TRPM6: variants seen among roughly 807,000 people sequenced by gnomAD.
TRPM6 encodes the protein transient receptor potential cation channel subfamily M member 6, also known as channel kinase 2.
TRPM6 carries 111 observed loss-of-function variants against 247.6 expected under a neutral mutation model. That is an observed-to-expected ratio of 0.45 (90% CI 0.38 to 0.52). The LOEUF is 0.52. TRPM6 is among the 20% of genes least tolerant of loss of function. The pLI, the probability that TRPM6 is intolerant of heterozygous loss-of-function variation, is 0.00. For missense variants in TRPM6, 2,126 were observed against 2,421.5 expected, an observed-to-expected ratio of 0.88 and a Z score of 2.56; for synonymous variants, 892 against 853.8, an observed-to-expected ratio of 1.04 and a Z score of -0.78.
chr9:74,737,494 A>C (rs1262225799), intron 36 of TRPM6: 3 of 1,180,170 alleles, frequency 2.5e-6, no homozygotes, highest in Non-Finnish European at 3.4e-6. Flanking sequence ...AAGTTGTTTA[A>C]ACAAACCATA....
intron 36 of TRPM6, among the ~76,000 whole-genome samples, chr9:74,732,952 G>A (rs935448474): frequency 2.6e-5 from 4 of 152,118 alleles, no homozygotes; most frequent in African/African-American, 7.2e-5. Context: ...CCAGCTCTTT[G>A]GGGGGTGGAG....
At chr9:74,847,385 T>C (rs1293331438) in intron 3 of TRPM6, among the ~76,000 whole-genome samples, 1 of 152,106 alleles carries the variant, frequency 6.6e-6, no homozygotes, top group African/African-American at 2.4e-5. Flanking sequence ...TTTTGCCATG[T>C]TGCCCAAGCT....
chr9:74,818,015 C>T (rs1829002321), intron 9 of TRPM6, among the ~76,000 whole-genome samples: 1 of 152,132 alleles, frequency 6.6e-6, no homozygotes, highest in Admixed American at 6.6e-5. Context: ...ACATTGTTTC[C>T]TTTCACCTGA....
At chr9:74,870,035 G>A (rs1323826262) in intron 1 of TRPM6, among the ~76,000 whole-genome samples, 1 of 152,086 alleles carries the variant, frequency 6.6e-6, no homozygotes, top group Non-Finnish European at 1.5e-5. Context: ...GAGAAAGGAT[G>A]GTAGGAAACA....
At chr9:74,744,785 C>A (rs1825977945) in intron 31 of TRPM6, among the ~76,000 whole-genome samples, 1 of 152,238 alleles carries the variant, frequency 6.6e-6, no homozygotes, top group East Asian at 1.9e-4. Flanking sequence ...TTCATAAAAT[C>A]AAAATTAAAG....
intron 1 of TRPM6, among the ~76,000 whole-genome samples, chr9:74,865,883 T>C (rs1260168422): frequency 3.3e-5 from 5 of 152,234 alleles, no homozygotes; most frequent in Admixed American, 2.6e-4. Context: ...GTGATATTCC[T>C]GCCTCAGCCC....
intron 29 of TRPM6, among the ~76,000 whole-genome samples, chr9:74,751,817 A>G (rs1329087202): frequency 6.6e-6 from 1 of 152,174 alleles, no homozygotes; most frequent in Non-Finnish European, 1.5e-5. Flanking sequence ...CTACTTCCAG[A>G]AATAAATCAT....
chr9:74,806,125 TGGGGGCAGGAG>T (rs1223484745), intron 14 of TRPM6, among the ~76,000 whole-genome samples: 1 of 152,150 alleles, frequency 6.6e-6, no homozygotes, highest in Non-Finnish European at 1.5e-5. Flanking sequence ...TTAAATAATC[TGGGGGCAGGAG>T]GTTGGCCATT....
At position 74,792,779 on chromosome 9, in the gene TRPM6, TAAAC is replaced by T; in HGVS notation, c.2392-13_2392-10del. ...TCCAAATCATACTCTTTCTATAAAATAAACAAATAATCATTTTCTTGTCAGCAGC... is the reference window on the plus strand; with the variant it reads ...TCCAAATCATACTCTTTCTATAAAATAAATAATCATTTTCTTGTCAGCAGC... On this transcript the variant is annotated splice_polypyrimidine_tract_variant and intron_variant, in intron 18 of 38. Coordinates refer to ENST00000360774, the MANE Select transcript of TRPM6 (RefSeq NM_017662.5). The T allele has an allele frequency of 4.3e-6, 7 of 1,611,716 alleles. No individual in the cohort carries two copies. The highest frequency in any genetic ancestry group is 5.9e-6 in the Non-Finnish European group (7 of 1,177,944).
intron 4 of TRPM6, among the ~76,000 whole-genome samples, chr9:74,840,910 C>T (rs897091527): frequency 6.6e-6 from 1 of 150,524 alleles, no homozygotes; most frequent in Non-Finnish European, 1.5e-5. Context: ...ATCACTATGT[C>T]AGCAAACCTT....
Position 74,800,398 on chromosome 9 carries a change from T to C in TRPM6, c.2094A>G (p.Glu698=). Reference sequence around the variant, plus strand: ...AGGTCGAATTGCTCCAGTTCCTGAGTTCATACGTCAACAGCGTCATGGCCA... The same window carrying C: ...AGGTCGAATTGCTCCAGTTCCTGAGCTCATACGTCAACAGCGTCATGGCCA... The part of the protein sequence containing the change: ...ERMAMTLLTY[E]LRNWSNSTCL... The change falls in exon 17 of 39, where the codon GAA becomes GAG. Residue 698 remains glutamate (E), a synonymous_variant. Coordinates refer to ENST00000360774, the MANE Select transcript of TRPM6 (RefSeq NM_017662.5). 1 of 1,613,980 alleles carries C rather than the reference T, an allele frequency of 6.2e-7. No homozygotes were observed. Among genetic ancestry groups the C allele is most frequent in the Non-Finnish European group, 8.5e-7 (1 of 1,179,996 alleles).
intron 1 of TRPM6, among the ~76,000 whole-genome samples, chr9:74,876,009 G>A (rs778212957): frequency 2.0e-5 from 3 of 152,150 alleles, no homozygotes; most frequent in Non-Finnish European, 4.4e-5. Flanking sequence ...CATTCCCCAA[G>A]AAAAGAAAGA....
At chr9:74,799,738 T>C (rs1404165441) in intron 17 of TRPM6, among the ~76,000 whole-genome samples, 3 of 152,236 alleles carry the variant, frequency 2.0e-5, no homozygotes, top group Non-Finnish European at 4.4e-5. Context: ...TGTCTATGCT[T>C]TTAATGTGTA....
intron 14 of TRPM6, among the ~76,000 whole-genome samples, chr9:74,806,074 C>T (rs1243076169): frequency 2.0e-5 from 3 of 151,868 alleles, no homozygotes; most frequent in Non-Finnish European, 4.4e-5. Context: ...GAGATATTCA[C>T]AAGAATTTAT....
In TRPM6 at chr9:74,854,396, T is replaced by G. The variant is rs1029632098; in HGVS notation, c.152+1131A>C. Among the ~76,000 whole-genome samples the G allele has an allele frequency of 3.3e-5, 5 of 152,350 alleles. No individual in the cohort carries two copies. In the East Asian group the frequency reaches 9.6e-4, roughly 29 times the overall value. ...TTTTCTTTTTATTATATTCTTATTT[T>G]GCTTTGCATTTTATTAGGTTTATGC... On this transcript the variant is annotated intron_variant, in intron 3 of 38. Coordinates refer to ENST00000360774, the MANE Select transcript of TRPM6 (RefSeq NM_017662.5).
intron 1 of TRPM6, among the ~76,000 whole-genome samples, chr9:74,881,378 C>G (rs1224478527): frequency 3.3e-5 from 5 of 151,790 alleles, no homozygotes; most frequent in Admixed American, 2.6e-4. Context: ...GCAATCAATT[C>G]AGCAAGAAAG....
intron 25 of TRPM6, among the ~76,000 whole-genome samples, chr9:74,764,558 T>C (rs1564003608): frequency 1.3e-5 from 2 of 152,166 alleles, no homozygotes; most frequent in African/African-American, 2.4e-5. Context: ...GCCAACACCT[T>C]GATTTTGGAC....
intron 15 of TRPM6, among the ~76,000 whole-genome samples, chr9:74,803,261 G>A (rs1035457370): frequency 4.6e-5 from 7 of 151,316 alleles, no homozygotes; most frequent in African/African-American, 1.7e-4. Context: ...AGTGGGACTG[G>A]AGGAGTATGA....
At chr9:74,823,940 G>A (rs1347484081) in intron 7 of TRPM6, among the ~76,000 whole-genome samples, 2 of 152,090 alleles carry the variant, frequency 1.3e-5, no homozygotes, top group Non-Finnish European at 1.5e-5. Flanking sequence ...GTCTGCATGT[G>A]TGTGTAGAAA....
Sources: gnomAD v4.1 joint callset for allele counts (sites outside exome capture counted in the v4.1 genomes callset) on GRCh38, gnomAD v4.1.1 for gene constraint, MANE v1.5 for transcripts, NCBI Gene and HGNC (gene_info 2026-07-23, HGNC 2026-07-21) for gene names.